PCGF3: variants seen among roughly 807,000 people sequenced by gnomAD.
The protein encoded by PCGF3 is polycomb group RING finger protein 3.
Under a neutral mutation model 33.1 loss-of-function variants are expected in PCGF3, and 7 were observed. That is an observed-to-expected ratio of 0.21 (90% CI 0.12 to 0.40). The LOEUF is 0.40. Ranked by LOEUF, PCGF3 falls within the 10% of genes least tolerant of loss-of-function variation. PCGF3 has a pLI of 1.00. For missense variants in PCGF3, 211 were observed against 313.3 expected (o/e 0.67, Z 2.46); for synonymous variants, 153 against 121.3 (o/e 1.26, Z -1.72).
intron 1 of PCGF3, among the ~76,000 whole-genome samples, chr4:719,605 G>C (rs557375083): frequency 6.6e-6 from 1 of 152,270 alleles, no homozygotes; most frequent in Non-Finnish European, 1.5e-5. Flanking sequence ...GGAGCGAGGC[G>C]TTTACGCCAT....
At chr4:759,892 T>C (rs1744946602) in intron 8 of PCGF3, among the ~76,000 whole-genome samples, 1 of 133,378 alleles carries the variant, frequency 7.5e-6, no homozygotes, top group Non-Finnish European at 1.6e-5. Flanking sequence ...TCCGGGTCTT[T>C]CTCCCCGCGC....
intron 1 of PCGF3, among the ~76,000 whole-genome samples, chr4:715,616 G>A (rs1256385838): frequency 9.5e-6 from 1 of 104,770 alleles, no homozygotes; most frequent in Non-Finnish European, 2.0e-5. Context: ...TCGGTGCTGG[G>A]ACCCTGTAGA....
At chr4:712,385 T>G (rs1238051665) in intron 1 of PCGF3, among the ~76,000 whole-genome samples, 1 of 152,180 alleles carries the variant, frequency 6.6e-6, no homozygotes, top group African/African-American at 2.4e-5. Flanking sequence ...TATTGTTATA[T>G]TGACTTGCTT....
intron 1 of PCGF3, among the ~76,000 whole-genome samples, chr4:719,719 G>A (rs900580681): frequency 5.9e-5 from 9 of 152,208 alleles, no homozygotes; most frequent in Non-Finnish European, 1.2e-4. Flanking sequence ...GGGTGTTTGG[G>A]GTCAGGCCAG....
chr4:748,478 G>A (rs1052135681), intron 8 of PCGF3, among the ~76,000 whole-genome samples: 5 of 152,296 alleles, frequency 3.3e-5, no homozygotes, highest in East Asian at 1.9e-4. Context: ...GAGCCACCGC[G>A]CCCAGCCAAG....
chr4:761,561 G>A lies in PCGF3; in HGVS notation c.600+145G>A, dbSNP rs539453727. ...AAAAATCCGTTTTGCCTGCTTCACC[G>A]GGGAGCGGGATAGGAGACAGCCCTA... On this transcript the variant is annotated intron_variant, in intron 9 of 10. Transcript: ENST00000362003. The A allele has an allele frequency of 3.8e-5, 52 of 1,370,982 alleles. No homozygotes were observed. The African/African-American group carries it at 4.7e-4, about 12-fold the overall frequency. 84.9% of individuals were successfully genotyped at this position (1,370,982 alleles called of 1,614,324 possible).
intron 3 of PCGF3, among the ~76,000 whole-genome samples, 179 bp from the exon 4 acceptor site, chr4:733,493 A>G (rs1336056979): frequency 6.6e-6 from 1 of 152,164 alleles, no homozygotes; most frequent in East Asian, 1.9e-4. Context: ...GCACGCAGAC[A>G]CTGGATTGCT....
chr4:768,043 G>GT (rs1560224801), exon 11 of PCGF3: 1 of 152,654 alleles, frequency 6.6e-6, no homozygotes, highest in African/African-American at 2.4e-5. Context: ...GAATATCATT[G>GT]TAATAATCTC....
chr4:734,567 G>A (rs917873418), intron 4 of PCGF3: 14 of 1,161,528 alleles, frequency 1.2e-5, no homozygotes, highest in African/African-American at 7.9e-5. Flanking sequence ...CTAGTTGTAC[G>A]TAGAAGATAC....
At chr4:718,706 G>A (rs1742958085) in intron 1 of PCGF3, among the ~76,000 whole-genome samples, 1 of 152,188 alleles carries the variant, frequency 6.6e-6, no homozygotes, top group African/African-American at 2.4e-5. Context: ...GTGGGGCTGG[G>A]AGTCAAGGAC....
chr4:710,196 A>G (rs1405275499), intron 1 of PCGF3, among the ~76,000 whole-genome samples: 1 of 152,028 alleles, frequency 6.6e-6, no homozygotes, highest in Non-Finnish European at 1.5e-5. Flanking sequence ...TGGCTCAGGG[A>G]CCTCCCATCT....
At chr4:748,676 C>T (rs1744378182) in intron 8 of PCGF3, among the ~76,000 whole-genome samples, 2 of 152,182 alleles carry the variant, frequency 1.3e-5, no homozygotes, top group Non-Finnish European at 1.5e-5. Flanking sequence ...CTTCTTCTTT[C>T]ATGACCCCGG....
At chr4:739,353 T>G (rs762540970) in intron 6 of PCGF3, among the ~76,000 whole-genome samples, 1 of 152,140 alleles carries the variant, frequency 6.6e-6, no homozygotes, top group Non-Finnish European at 1.5e-5. Flanking sequence ...GGCAAGCACC[T>G]CCATCCTGGC....
At chr4:764,928 A>C (rs1016964985) in intron 9 of PCGF3, 56 bp from the exon 10 acceptor site, 2 of 1,198,626 alleles carry the variant, frequency 1.7e-6, no homozygotes, top group African/African-American at 1.5e-5. Flanking sequence ...CAAGGTGGCC[A>C]TGTCAGTGTG....
At chr4:739,610 G>A (rs1743997327) in intron 6 of PCGF3, among the ~76,000 whole-genome samples, 1 of 152,174 alleles carries the variant, frequency 6.6e-6, no homozygotes, top group Admixed American at 6.5e-5. Flanking sequence ...ACCTGGGTGC[G>A]TTCCACCCGT....
At chr4:769,619 T>C (rs1026741) in exon 11 of PCGF3, 141,091 of 152,740 alleles carry the variant, frequency 0.92, 65,246 homozygotes, top group African/African-American at 0.96. Flanking sequence ...GCCAAGGCCC[T>C]GCAGGAACGC....
intron 8 of PCGF3, among the ~76,000 whole-genome samples, chr4:747,804 T>A (rs2152596808): frequency 6.6e-6 from 1 of 152,216 alleles, no homozygotes; most frequent in Middle Eastern, 3.4e-3. Flanking sequence ...CCAGAAACCT[T>A]CCCTGGGGAT....
chr4:744,143 G>C (rs201258971), intron 7 of PCGF3, among the ~76,000 whole-genome samples: 29 of 152,346 alleles, frequency 1.9e-4, no homozygotes, highest in African/African-American at 6.5e-4. Flanking sequence ...GCCATGAGGC[G>C]TGGTTAGGAA....
chr4:754,925 G>A (rs759321422), intron 8 of PCGF3, among the ~76,000 whole-genome samples: 21 of 152,204 alleles, frequency 1.4e-4, no homozygotes, highest in South Asian at 6.2e-4. Context: ...TGCAGGATTC[G>A]CTGGTGATCC....
Sources: gnomAD v4.1 joint callset for allele counts (sites outside exome capture counted in the v4.1 genomes callset) on GRCh38, gnomAD v4.1.1 for gene constraint, MANE v1.5 for transcripts, NCBI Gene and HGNC (gene_info 2026-07-23, HGNC 2026-07-21) for gene names.